Variants in ITGA9 observed in about 807,000 individuals in gnomAD.
ITGA9 encodes the protein integrin alpha-9.
Under a neutral mutation model 127.8 loss-of-function variants are expected in ITGA9, and 56 were observed. The observed-to-expected ratio is 0.44, with a 90% CI of 0.35 to 0.55. The LOEUF (loss-of-function observed/expected upper bound fraction) is 0.55. ITGA9 is among the 20% of genes least tolerant of loss of function. The pLI, the probability that ITGA9 is intolerant of heterozygous loss-of-function variation, is 0.00. For missense variants in ITGA9, 1,196 were observed against 1,347.1 expected, an observed-to-expected ratio of 0.89 and a Z score of 1.76; for synonymous variants, 508 against 514.5, an observed-to-expected ratio of 0.99 and a Z score of 0.17.
chr3:37,792,430 T>G (rs1470919232), intron 26 of ITGA9, among the ~76,000 whole-genome samples: 3 of 152,146 alleles, frequency 2.0e-5, no homozygotes, highest in Admixed American at 6.5e-5. Context: ...GGTCGAGGAA[T>G]GTTTCTACAA....
intron 15 of ITGA9, among the ~76,000 whole-genome samples, chr3:37,618,129 G>A (rs1700092804): frequency 6.6e-6 from 1 of 152,228 alleles, no homozygotes; most frequent in East Asian, 1.9e-4. Flanking sequence ...GTGATGTACA[G>A]ATGGGGTTTT....
intron 18 of ITGA9, among the ~76,000 whole-genome samples, chr3:37,705,852 A>T (rs1339386358): frequency 1.3e-5 from 2 of 152,204 alleles, no homozygotes; most frequent in African/African-American, 4.8e-5. Context: ...CTAGTATAAA[A>T]AACTTCCTCT....
intron 23 of ITGA9, among the ~76,000 whole-genome samples, chr3:37,754,210 TAA>T (rs1696623536): frequency 6.6e-6 from 1 of 152,190 alleles, no homozygotes; most frequent in South Asian, 2.1e-4. Flanking sequence ...TTTCCAAAGT[TAA>T]GTTTTACTCA....
At chr3:37,599,038 C>G (rs1216241729) in intron 15 of ITGA9, among the ~76,000 whole-genome samples, 1 of 152,136 alleles carries the variant, frequency 6.6e-6, no homozygotes, top group Non-Finnish European at 1.5e-5. Context: ...AGCAGAGTTG[C>G]CTTAAGACTG....
At chr3:37,510,389 C>G (rs1283474410) in intron 8 of ITGA9, among the ~76,000 whole-genome samples, 1 of 152,154 alleles carries the variant, frequency 6.6e-6, no homozygotes, top group African/African-American at 2.4e-5. Context: ...TTTTCCTTCC[C>G]TGCCCTACTC....
chr3:37,502,236 G>T (rs1254497451), intron 5 of ITGA9, among the ~76,000 whole-genome samples: 10 of 121,456 alleles, frequency 8.2e-5, no homozygotes, highest in Non-Finnish European at 1.2e-4. Flanking sequence ...TTTTTTTTTG[G>T]CAGAGTCTTG....
At chr3:37,786,924 G>A (rs530414751) in intron 26 of ITGA9, among the ~76,000 whole-genome samples, 2 of 152,320 alleles carry the variant, frequency 1.3e-5, no homozygotes, top group South Asian at 2.1e-4. Flanking sequence ...ATGGCTCACT[G>A]CAGCCTCCAC....
intron 3 of ITGA9, among the ~76,000 whole-genome samples, chr3:37,477,754 A>G (rs770839689): frequency 6.6e-6 from 1 of 152,224 alleles, no homozygotes; most frequent in African/African-American, 2.4e-5. Flanking sequence ...GTTCAAGTCT[A>G]ATGTCGCCCC....
At chr3:37,697,003 G>C (rs999835570) in intron 18 of ITGA9, among the ~76,000 whole-genome samples, 1 of 152,014 alleles carries the variant, frequency 6.6e-6, no homozygotes. Context: ...AGATATCCAG[G>C]GCCTCAGAGG....
chr3:37,454,974 T>C (rs1179027806), intron 1 of ITGA9, among the ~76,000 whole-genome samples: 1 of 152,220 alleles, frequency 6.6e-6, no homozygotes, highest in Non-Finnish European at 1.5e-5. Context: ...TGTGCAAGGC[T>C]GCTGAAACTT....
intron 4 of ITGA9, among the ~76,000 whole-genome samples, chr3:37,492,931 T>C (rs556036347): frequency 1.1e-3 from 167 of 152,348 alleles, no homozygotes; most frequent in African/African-American, 3.8e-3. Context: ...ATTATGAAAT[T>C]TGATGCAGGA....
chr3:37,803,926 C>T lies in ITGA9; in HGVS notation c.2993C>T (p.Ala998Val). Residue 998 changes from alanine (A) to valine (V), a missense_variant, in exon 27 of 28, where the codon GCC (alanine) becomes GTC (valine). Coordinates refer to ENST00000264741, the MANE Select transcript of ITGA9 (RefSeq NM_002207.3). The part of the protein sequence containing the change: ...LVGILIFLLL[A>V]VLLWKMGFFR... ...GGAATCCTCATCTTCCTGCTGCTGG[C>T]CGTGCTGCTCTGGAAGGTGAGTCTG... The T allele has an allele frequency of 6.2e-7, 1 of 1,614,130 alleles. No homozygotes were observed. The highest frequency in any genetic ancestry group is 8.5e-7 in the Non-Finnish European group (1 of 1,180,024).
chr3:37,493,126 T>C (rs1368592280), intron 4 of ITGA9, among the ~76,000 whole-genome samples: 1 of 152,172 alleles, frequency 6.6e-6, no homozygotes, highest in Non-Finnish European at 1.5e-5. Flanking sequence ...ATTGACATTC[T>C]TTGTCATTTA....
At chr3:37,598,746 G>A (rs1438498183) in intron 15 of ITGA9, among the ~76,000 whole-genome samples, 2 of 152,170 alleles carry the variant, frequency 1.3e-5, no homozygotes, top group Non-Finnish European at 2.9e-5. Flanking sequence ...ACCAAAGGTG[G>A]TTCATAATGG....
intron 26 of ITGA9, among the ~76,000 whole-genome samples, chr3:37,795,668 C>A (rs903583428): frequency 2.0e-5 from 3 of 152,194 alleles, no homozygotes; most frequent in Non-Finnish European, 4.4e-5. Flanking sequence ...AGGCCATCAG[C>A]CATCCCTTCA....
intron 18 of ITGA9, among the ~76,000 whole-genome samples, chr3:37,689,312 G>A (rs1203001125): frequency 2.0e-5 from 3 of 152,158 alleles, no homozygotes; most frequent in Non-Finnish European, 2.9e-5. Context: ...AAAACATGGG[G>A]TACACATGGA....
intron 27 of ITGA9, among the ~76,000 whole-genome samples, chr3:37,804,502 C>T (rs1697270717): frequency 6.6e-6 from 1 of 152,178 alleles, no homozygotes; most frequent in African/African-American, 2.4e-5. Context: ...GTGTCCTCAT[C>T]CCCATGTCTA....
At position 37,597,310 on chromosome 3, in the gene ITGA9, A is replaced by C. The variant is rs1443140738; in HGVS notation, c.1690-31877A>C. The stretch of plus-strand genomic sequence containing the variant: ...GGAGAAAGGGCCAACCTCAGTATCT[A>C]AGGGTTAAGGGTGTGCAAGAGAGTG... On this transcript the variant is annotated intron_variant, in intron 15 of 27. Transcript: ENST00000264741. The surrounding 1 kb of genome is among the most constrained non-coding windows in gnomAD (Gnocchi z 4.6). Among the ~76,000 whole-genome samples, 1 of 152,172 alleles carries C rather than the reference A, an allele frequency of 6.6e-6. No homozygotes were observed. The highest frequency in any genetic ancestry group is 1.5e-5 in the Non-Finnish European group (1 of 68,026).
At chr3:37,474,336 A>G (rs197770) in intron 3 of ITGA9, among the ~76,000 whole-genome samples, 17,657 of 152,272 alleles carry the variant, frequency 0.12, 1,237 homozygotes, top group Admixed American at 0.16. Context: ...AAGTGGCTCA[A>G]TAATCACAAA....
Sources: allele counts gnomAD v4.1 joint callset (sites outside exome capture counted in the v4.1 genomes callset), GRCh38; gene constraint gnomAD v4.1.1; non-coding constraint Gnocchi (gnomAD v3.1); transcripts MANE v1.5; gene names NCBI Gene and HGNC (gene_info 2026-07-23, HGNC 2026-07-21).